The following ARSJ variants were observed in gnomAD, a reference collection of about 807,000 sequenced individuals.
ARSJ encodes the protein arylsulfatase J.
A neutral mutation model predicts 35.9 loss-of-function variants in ARSJ; 26 were observed. The ratio of observed to expected loss-of-function variants is 0.72; its 90% CI spans 0.53 to 1.00. ARSJ has a LOEUF of 1.00. Among genes scored for constraint, ARSJ ranks in the 50% least tolerant of loss-of-function variants. ARSJ has a pLI of 0.00. For missense variants in ARSJ, 667 were observed against 723.6 expected (o/e 0.92, Z 0.90); for synonymous variants, 294 against 267.6 (o/e 1.10, Z -0.96).
intron 1 of ARSJ, among the ~76,000 whole-genome samples, chr4:113,920,787 A>T (rs1394482911): frequency 6.6e-6 from 1 of 152,144 alleles, no homozygotes; most frequent in Non-Finnish European, 1.5e-5. Context: ...CAAGCATTTT[A>T]TATACATCAT....
chr4:113,945,218 C>T (rs1725400426), intron 1 of ARSJ, among the ~76,000 whole-genome samples: 1 of 152,014 alleles, frequency 6.6e-6, no homozygotes. Flanking sequence ...TCACAGCTCA[C>T]TGACCTCCTC....
intron 1 of ARSJ, among the ~76,000 whole-genome samples, chr4:113,904,947 C>A (rs1202756637): frequency 1.3e-5 from 2 of 152,150 alleles, no homozygotes. Flanking sequence ...GTATGTTTCC[C>A]ACAGTGTCTC....
chr4:113,967,617 A>G (rs1386589691), intron 1 of ARSJ, among the ~76,000 whole-genome samples: 7 of 152,146 alleles, frequency 4.6e-5, no homozygotes, highest in Admixed American at 1.3e-4. Flanking sequence ...CTGCTTCTCA[A>G]ATAACTTCCA....
intron 1 of ARSJ, among the ~76,000 whole-genome samples, chr4:113,928,046 G>A (rs985811496): frequency 2.0e-5 from 3 of 152,134 alleles, no homozygotes; most frequent in African/African-American, 7.2e-5. Flanking sequence ...ACCACAGAAT[G>A]AGTCTGGGGA....
chr4:113,911,517 A>G (rs1344102624), intron 1 of ARSJ, among the ~76,000 whole-genome samples: 2 of 152,182 alleles, frequency 1.3e-5, no homozygotes, highest in Admixed American at 6.6e-5. Context: ...TGTTACAGTG[A>G]GGATGCAGTA....
At position 113,903,494 on chromosome 4, in the gene ARSJ, C is replaced by G; in HGVS notation, c.580G>C (p.Asp194His). The change falls in exon 2 of 2, where the codon GAT (aspartate) becomes CAT (histidine). Residue 194 changes from aspartate (D) to histidine (H), a missense_variant. By Grantham distance (81) the Asp-to-His change is moderately conservative. Transcript: ENST00000315366. ...KECMPTRRGF[D>H]TFFGSLLGSG... ...CCCAAAAGGGAACCAAAAAAGGTATCAAATCCTCTTCTGGTGGGCATGCAT... is the reference window on the plus strand; with the variant it reads ...CCCAAAAGGGAACCAAAAAAGGTATGAAATCCTCTTCTGGTGGGCATGCAT... 1 of 1,614,134 alleles carries G rather than the reference C, an allele frequency of 6.2e-7. No homozygotes were observed. Among genetic ancestry groups the G allele is most frequent in the Non-Finnish European group, 8.5e-7 (1 of 1,180,004 alleles).
chr4:113,935,406 T>A (rs1275037899), intron 1 of ARSJ, among the ~76,000 whole-genome samples: 1 of 151,802 alleles, frequency 6.6e-6, no homozygotes, highest in Non-Finnish European at 1.5e-5. Context: ...ATGAGGAATG[T>A]CAAGATATAT....
rs148654235 is a variant in ARSJ at position 113,927,035 on chromosome 4, T to C, written c.399-23360A>G. Among the ~76,000 whole-genome samples, 1,020 of 152,278 alleles carry C rather than the reference T, an allele frequency of 6.7e-3. 16 individuals are homozygous for C. The highest frequency in any genetic ancestry group is 0.023 in the African/African-American group (968 of 41,564). ...CAGCTTGCACAGCAGCCTGGAGCTG[T>C]TGCAGAGCGTTCTTTTGTTCTGGAC... On this transcript the variant is annotated intron_variant, in intron 1 of 1. Transcript: ENST00000315366.
At chr4:113,937,260 AT>A (rs1010188409) in intron 1 of ARSJ, among the ~76,000 whole-genome samples, 2 of 151,956 alleles carry the variant, frequency 1.3e-5, no homozygotes, top group African/African-American at 4.8e-5. Flanking sequence ...AATCATGCTA[AT>A]AATCCTGTAG....
chr4:113,970,061 G>T (rs1323388498), intron 1 of ARSJ, among the ~76,000 whole-genome samples: 1 of 152,196 alleles, frequency 6.6e-6, no homozygotes, highest in Non-Finnish European at 1.5e-5. Context: ...AAGCAAAGTG[G>T]TATTTTAGGT....
At chr4:113,944,912 ATATC>A (rs1405539433) in intron 1 of ARSJ, among the ~76,000 whole-genome samples, 8 of 152,092 alleles carry the variant, frequency 5.3e-5, no homozygotes, top group East Asian at 1.9e-4. Flanking sequence ...CCGTATCTGT[ATATC>A]TATCTATCTG....
At chr4:113,956,345 A>T (rs1322721242) in intron 1 of ARSJ, among the ~76,000 whole-genome samples, 3 of 152,128 alleles carry the variant, frequency 2.0e-5, no homozygotes, top group Non-Finnish European at 2.9e-5. Flanking sequence ...TAATCACTTA[A>T]CAGGAAGACT....
At chr4:113,907,903 C>A (rs1199624590) in intron 1 of ARSJ, among the ~76,000 whole-genome samples, 3 of 151,998 alleles carry the variant, frequency 2.0e-5, no homozygotes, top group Non-Finnish European at 4.4e-5. Context: ...CACATGAACA[C>A]AAAGAAGGGA....
chr4:113,919,932 G>C (rs971718214), intron 1 of ARSJ, among the ~76,000 whole-genome samples: 1 of 129,262 alleles, frequency 7.7e-6, no homozygotes, highest in African/African-American at 2.7e-5. Flanking sequence ...AGTGAGTATG[G>C]TCAATTTTTA....
At chr4:113,936,041 A>T (rs2149266683) in intron 1 of ARSJ, among the ~76,000 whole-genome samples, 1 of 152,106 alleles carries the variant, frequency 6.6e-6, no homozygotes, top group African/African-American at 2.4e-5. Context: ...ATATTCTAAA[A>T]TGATCATACT....
intron 1 of ARSJ, among the ~76,000 whole-genome samples, chr4:113,931,384 A>G (rs1247213830): frequency 6.6e-6 from 1 of 152,074 alleles, no homozygotes; most frequent in Non-Finnish European, 1.5e-5. Context: ...GGAATTAATG[A>G]GATAACCAAA....
At chr4:113,965,721 T>G (rs1028632907) in intron 1 of ARSJ, among the ~76,000 whole-genome samples, 2 of 152,110 alleles carry the variant, frequency 1.3e-5, no homozygotes, top group Non-Finnish European at 2.9e-5. Flanking sequence ...TATGCTCAAC[T>G]AAATCTTTTA....
chr4:113,919,948 G>GCTTTTT (rs78201846), intron 1 of ARSJ, among the ~76,000 whole-genome samples: 1 of 148,574 alleles, frequency 6.7e-6, no homozygotes. Context: ...TTTTATTAAA[G>GCTTTTT]ATTTTTTTTT....
chr4:113,977,555 A>C (rs537468282), intron 1 of ARSJ, among the ~76,000 whole-genome samples: 1 of 152,352 alleles, frequency 6.6e-6, no homozygotes, highest in African/African-American at 2.4e-5. Flanking sequence ...ACCTCTGTCC[A>C]GCTTAACCCC....
Sources: allele counts gnomAD v4.1 joint callset (sites outside exome capture counted in the v4.1 genomes callset), GRCh38; gene constraint gnomAD v4.1.1; transcripts MANE v1.5; gene names NCBI Gene and HGNC (gene_info 2026-07-23, HGNC 2026-07-21).